The following PRKG1 variants were observed in gnomAD, a reference collection of about 807,000 sequenced individuals.
PRKG1 encodes the protein cGMP-dependent protein kinase 1.
PRKG1 carries 35 observed loss-of-function variants against 88.1 expected under a neutral mutation model. That is an observed-to-expected ratio of 0.40 (90% CI 0.30 to 0.53). The LOEUF is 0.53. Among genes scored for constraint, PRKG1 ranks in the 20% least tolerant of loss-of-function variants. The pLI, the probability that PRKG1 is intolerant of heterozygous loss-of-function variation, is 0.59. For synonymous variants in PRKG1, 303 were observed against 292.5 expected, an observed-to-expected ratio of 1.04 and a Z score of -0.37; for missense variants, 540 against 839.8, an observed-to-expected ratio of 0.64 and a Z score of 4.41.
intron 7 of PRKG1, among the ~76,000 whole-genome samples, chr10:52,087,742 T>A (rs557205805): frequency 6.6e-6 from 1 of 152,284 alleles, no homozygotes; most frequent in Admixed American, 6.5e-5. Flanking sequence ...ACAGAGTGAA[T>A]TTGGCTATTC....
intron 8 of PRKG1, 141 bp from the exon 9 acceptor site, chr10:52,161,748 C>T: frequency 1.4e-6 from 1 of 692,224 alleles, no homozygotes; most frequent in Middle Eastern, 3.5e-4. Context: ...GTCTGACATG[C>T]TTCTTATTAA....
intron 2 of PRKG1, among the ~76,000 whole-genome samples, chr10:51,450,519 A>C (rs1209036026): frequency 2.6e-5 from 4 of 152,028 alleles, no homozygotes; most frequent in Non-Finnish European, 5.9e-5. Context: ...ACTTCTAACA[A>C]GTGCTCCAGC....
At chr10:51,182,064 T>A (rs1250890735) in intron 2 of PRKG1, among the ~76,000 whole-genome samples, 2 of 152,076 alleles carry the variant, frequency 1.3e-5, no homozygotes, top group African/African-American at 4.8e-5. Flanking sequence ...ACAGTTGTCA[T>A]TTTTTTTCCA....
intron 1 of PRKG1, among the ~76,000 whole-genome samples, chr10:51,033,215 C>T (rs1843309338): frequency 6.6e-6 from 1 of 152,136 alleles, no homozygotes; most frequent in Middle Eastern, 3.2e-3. Context: ...TGCTTCCCTC[C>T]TTCAAGTATG....
At chr10:52,047,082 G>A (rs1023541527) in intron 5 of PRKG1, among the ~76,000 whole-genome samples, 2 of 152,122 alleles carry the variant, frequency 1.3e-5, no homozygotes, top group African/African-American at 4.8e-5. Flanking sequence ...TATCCCAGAT[G>A]TCCAGTAGGT....
intron 5 of PRKG1, among the ~76,000 whole-genome samples, chr10:51,925,083 T>C (rs11000148): frequency 0.022 from 3,383 of 152,100 alleles, 146 homozygotes; most frequent in African/African-American, 0.077. Flanking sequence ...GCATTGTGGG[T>C]TTTTAATTTG....
intron 5 of PRKG1, among the ~76,000 whole-genome samples, chr10:52,013,353 A>G (rs1844948080): frequency 6.6e-6 from 1 of 151,300 alleles, no homozygotes; most frequent in South Asian, 2.1e-4. Flanking sequence ...TGGGAGGCGG[A>G]GCTTGCAGTG....
chr10:52,192,742 A>C (rs1386426769), intron 9 of PRKG1, among the ~76,000 whole-genome samples: 4 of 152,028 alleles, frequency 2.6e-5, no homozygotes, highest in Admixed American at 2.0e-4. Context: ...ATTTATATAA[A>C]AAGAAAAAAA....
intron 3 of PRKG1, among the ~76,000 whole-genome samples, chr10:51,527,837 C>T (rs1430830227): frequency 6.6e-6 from 1 of 152,128 alleles, no homozygotes; most frequent in South Asian, 2.1e-4. Context: ...TCAAACAACT[C>T]CCGGCAAATA....
At chr10:51,859,634 C>A (rs976279546) in intron 4 of PRKG1, among the ~76,000 whole-genome samples, 1 of 152,134 alleles carries the variant, frequency 6.6e-6, no homozygotes, top group African/African-American at 2.4e-5. Flanking sequence ...ATGCACATGG[C>A]AATTACAGCA....
chr10:51,938,613 T>C (rs1313023915), intron 5 of PRKG1, among the ~76,000 whole-genome samples: 1 of 152,010 alleles, frequency 6.6e-6, no homozygotes, highest in Non-Finnish European at 1.5e-5. Context: ...TTTTTATCCC[T>C]TTTCCTTCTT....
At chr10:51,540,041 A>G (rs917717927) in intron 3 of PRKG1, among the ~76,000 whole-genome samples, 4 of 152,160 alleles carry the variant, frequency 2.6e-5, no homozygotes, top group Admixed American at 6.6e-5. Flanking sequence ...CTTCTCAGTT[A>G]CCTGATGTTT....
At chr10:51,999,098 T>C (rs1844527610) in intron 5 of PRKG1, among the ~76,000 whole-genome samples, 1 of 152,222 alleles carries the variant, frequency 6.6e-6, no homozygotes, top group Non-Finnish European at 1.5e-5. Context: ...TAAACAGAAA[T>C]GAATCTAACT....
At chr10:51,808,256 C>A (rs12217424) in intron 4 of PRKG1, among the ~76,000 whole-genome samples, 6,143 of 152,068 alleles carry the variant, frequency 0.04, 262 homozygotes, top group East Asian at 0.11. Context: ...TTATGACTTA[C>A]AAAAAGTGAC....
chr10:51,996,314 CAAAAAAAAAAAA>C (rs59174399), intron 5 of PRKG1, among the ~76,000 whole-genome samples: 1 of 30,008 alleles, frequency 3.3e-5, no homozygotes, highest in Non-Finnish European at 5.3e-5. Context: ...GACTCCATCT[CAAAAAAAAAAAA>C]AAAAAAAAAA....
chr10:51,030,895 A>G (rs1843273723), intron 1 of PRKG1, among the ~76,000 whole-genome samples: 2 of 152,144 alleles, frequency 1.3e-5, no homozygotes, highest in Non-Finnish European at 2.9e-5. Context: ...TCTTTTCTTT[A>G]TAAATTACCC....
rs1463567780 is a variant in PRKG1 at position 52,271,430 on chromosome 10, G to T, written c.1254G>T (p.Gln418His). The change falls in exon 11 of 18, where the codon CAG becomes CAT. Residue 418 changes from glutamine (Q) to histidine (H), a missense_variant. Around this residue, in one of 5 missense-constraint regions of PRKG1, gnomAD observed 400 missense variants for 562.7 expected, o/e 0.71. Coordinates refer to ENST00000373980, the MANE Select transcript of PRKG1 (RefSeq NM_006258.4). ...GTCACATTGTGGACACAAGACAGCA[G>T]GAGCACATCCGCTCAGAGAAGCAGA... ...KKRHIVDTRQ[Q>H]EHIRSEKQIM... is the part of the protein sequence containing the mutation. The T allele has an allele frequency of 6.2e-7, 1 of 1,613,054 alleles. No individual in the cohort carries two copies. The highest frequency in any genetic ancestry group is 1.7e-5 in the Admixed American group (1 of 59,862).
At chr10:51,705,668 A>G (rs1841587610) in intron 3 of PRKG1, among the ~76,000 whole-genome samples, 1 of 152,188 alleles carries the variant, frequency 6.6e-6, no homozygotes. Flanking sequence ...ATATAATATA[A>G]TATTTTATTC....
chr10:52,166,579 G>A (rs895956204), intron 9 of PRKG1, among the ~76,000 whole-genome samples: 1 of 147,292 alleles, frequency 6.8e-6, no homozygotes, highest in Non-Finnish European at 1.5e-5. Flanking sequence ...GACTACAGGC[G>A]CCCGCCACTA....
Sources: allele counts gnomAD v4.1 joint callset (sites outside exome capture counted in the v4.1 genomes callset), GRCh38; gene constraint gnomAD v4.1.1; regional missense constraint gnomAD v4.1.1; transcripts MANE v1.5; gene names NCBI Gene and HGNC (gene_info 2026-07-23, HGNC 2026-07-21).